NELL1: variants seen among roughly 807,000 people sequenced by gnomAD.
NELL1 encodes neural EGFL like 1, also known as protein kinase C-binding protein NELL1.
NELL1 carries 76 observed loss-of-function variants against 107.4 expected under a neutral mutation model. That is an observed-to-expected ratio of 0.71 (90% confidence interval 0.59 to 0.86). NELL1 has a LOEUF of 0.86. Among genes scored for constraint, NELL1 ranks in the 40% least tolerant of loss-of-function variants. The pLI is 0.00. For synonymous variants in NELL1, 353 were observed against 341.2 expected, an observed-to-expected ratio of 1.03 and a Z score of -0.38; for missense variants, 1,024 against 1,005.5, an observed-to-expected ratio of 1.02 and a Z score of -0.25.
chr11:21,239,202 G>T (rs1348391130), intron 14 of NELL1, among the ~76,000 whole-genome samples: 1 of 151,910 alleles, frequency 6.6e-6, no homozygotes, highest in East Asian at 1.9e-4. Context: ...TTCTTGCTCT[G>T]TGGTACTTCA....
intron 12 of NELL1, among the ~76,000 whole-genome samples, chr11:20,963,167 G>C (rs914297265): frequency 3.9e-5 from 6 of 152,154 alleles, no homozygotes; most frequent in African/African-American, 1.2e-4. Flanking sequence ...GCAAGGAAGA[G>C]AGGAAGGGGC....
chr11:20,791,257 A>AT (rs548634639), intron 3 of NELL1, among the ~76,000 whole-genome samples: 62 of 151,354 alleles, frequency 4.1e-4, no homozygotes, highest in Middle Eastern at 3.4e-3. Flanking sequence ...ATTTCTTTCA[A>AT]TTTTTTTTGT....
chr11:21,392,544 A>G (rs1340286671), intron 15 of NELL1, among the ~76,000 whole-genome samples: 4 of 151,764 alleles, frequency 2.6e-5, no homozygotes, highest in Non-Finnish European at 5.9e-5. Flanking sequence ...TTAGAGTTTG[A>G]GGGGAAAAGT....
chr11:20,947,191 G>A (rs1369020843), intron 10 of NELL1, 145 bp from the exon 11 acceptor site: 2 of 598,106 alleles, frequency 3.3e-6, no homozygotes, highest in African/African-American at 3.7e-5. Flanking sequence ...TTAATTTGTG[G>A]CATTATCGTT....
chr11:20,970,567 C>G (rs1851478611), intron 12 of NELL1, among the ~76,000 whole-genome samples: 1 of 152,132 alleles, frequency 6.6e-6, no homozygotes, highest in Non-Finnish European at 1.5e-5. Context: ...TCAGCACAGG[C>G]TGCCCAGAGG....
intron 1 of NELL1, chr11:20,674,453 T>C: frequency 6.6e-7 from 1 of 1,514,670 alleles, no homozygotes; most frequent in East Asian, 2.5e-5. Context: ...AGTATCTTTT[T>C]ACACACGGTA....
Position 21,303,070 on chromosome 11 carries a change from C to CTATA in NELL1, c.1550-67782_1550-67781insATAT, listed in dbSNP as rs1173977521. Among the ~76,000 whole-genome samples the CTATA allele has an allele frequency of 2.7e-5, 4 of 147,610 alleles. No homozygotes were observed. The South Asian group carries it at 6.5e-4, about 24-fold the overall frequency. Reference sequence around the variant, plus strand: ...AGCAAGACCCCATATCTCTCTTTTGCTCTATATCTATATCTATATCTATAT... The same window carrying CTATA: ...AGCAAGACCCCATATCTCTCTTTTGCTATATCTATATCTATATCTATATCTATAT... On this transcript the variant is annotated intron_variant, in intron 14 of 19. Transcript: ENST00000357134.
At chr11:21,499,228 G>T (rs1156819295) in intron 15 of NELL1, among the ~76,000 whole-genome samples, 1 of 151,426 alleles carries the variant, frequency 6.6e-6, no homozygotes, top group African/African-American at 2.4e-5. Context: ...GTAATACATT[G>T]TAAAATTTAC....
intron 2 of NELL1, among the ~76,000 whole-genome samples, chr11:20,770,147 G>A (rs976060921): frequency 6.6e-6 from 1 of 152,114 alleles, no homozygotes; most frequent in East Asian, 1.9e-4. Context: ...AGTAAATGAG[G>A]ATTATCATTT....
At chr11:20,971,802 A>G (rs1435357486) in intron 12 of NELL1, among the ~76,000 whole-genome samples, 6 of 152,162 alleles carry the variant, frequency 3.9e-5, no homozygotes, top group Non-Finnish European at 5.9e-5. Flanking sequence ...GAATTGCTAT[A>G]AAGAAAATGT....
chr11:21,392,955 A>T (rs911186172), intron 15 of NELL1, among the ~76,000 whole-genome samples: 2 of 151,454 alleles, frequency 1.3e-5, no homozygotes, highest in Non-Finnish European at 3.0e-5. Context: ...GGAAATTGGG[A>T]CTATAAACTG....
intron 14 of NELL1, among the ~76,000 whole-genome samples, chr11:21,263,915 C>G (rs1459686735): frequency 6.6e-6 from 1 of 151,874 alleles, no homozygotes; most frequent in African/African-American, 2.4e-5. Flanking sequence ...GGAAAAAAAG[C>G]TCTTAAATAT....
chr11:21,196,869 C>CTTTCT (rs1196829609), intron 13 of NELL1, among the ~76,000 whole-genome samples: 5 of 148,794 alleles, frequency 3.4e-5, no homozygotes, highest in Admixed American at 2.7e-4. Flanking sequence ...AATTCTTTTT[C>CTTTCT]TTTCTTTTCT....
intron 13 of NELL1, among the ~76,000 whole-genome samples, chr11:21,138,394 T>C (rs1460128871): frequency 1.3e-5 from 2 of 152,174 alleles, no homozygotes; most frequent in East Asian, 1.9e-4. Context: ...TGTAGAGATA[T>C]GCTTTCTGTG....
At chr11:20,948,282 G>T (rs965328381) in intron 11 of NELL1, among the ~76,000 whole-genome samples, 1 of 151,788 alleles carries the variant, frequency 6.6e-6, no homozygotes, top group Non-Finnish European at 1.5e-5. Flanking sequence ...TGAACTCTTG[G>T]CCTCAAGCAA....
intron 14 of NELL1, among the ~76,000 whole-genome samples, chr11:21,334,847 G>A (rs1190011147): frequency 1.3e-5 from 2 of 151,934 alleles, no homozygotes; most frequent in African/African-American, 4.8e-5. Context: ...TGAGGCAGCT[G>A]GAGAAGGAGA....
intron 14 of NELL1, among the ~76,000 whole-genome samples, chr11:21,278,120 G>T (rs536120748): frequency 7.1e-4 from 108 of 151,982 alleles, no homozygotes; most frequent in African/African-American, 2.5e-3. Context: ...CAGTAAACAA[G>T]GAATAATAGA....
chr11:21,435,858 G>A (rs1341426952), intron 15 of NELL1, among the ~76,000 whole-genome samples: 2 of 151,706 alleles, frequency 1.3e-5, no homozygotes, highest in Non-Finnish European at 2.9e-5. Context: ...TGGCTTCATA[G>A]AATGAGTTAA....
chr11:21,334,997 A>G (rs1488607858), intron 14 of NELL1, among the ~76,000 whole-genome samples: 1 of 152,020 alleles, frequency 6.6e-6, no homozygotes, highest in African/African-American at 2.4e-5. Context: ...CTTTGCGTCA[A>G]CAGAATTAGA....
Sources: allele counts gnomAD v4.1 joint callset (sites outside exome capture counted in the v4.1 genomes callset), GRCh38; gene constraint gnomAD v4.1.1; transcripts MANE v1.5; gene names NCBI Gene and HGNC (gene_info 2026-07-23, HGNC 2026-07-21).